Variants in TENM4 observed in about 807,000 individuals in gnomAD.
The protein encoded by TENM4 is teneurin-4.
A neutral mutation model predicts 243.3 loss-of-function variants in TENM4; 82 were observed. That is an observed-to-expected ratio of 0.34 (90% CI 0.28 to 0.40). TENM4 has a LOEUF of 0.40. Among genes scored for constraint, TENM4 ranks in the 10% least tolerant of loss-of-function variants. TENM4 has a pLI of 1.00. For missense variants in TENM4, 3,138 were observed against 3,673.3 expected (o/e 0.85, Z 3.77); for synonymous variants, 1,412 against 1,456.3 (o/e 0.97, Z 0.69).
At chr11:78,825,942 G>C (rs1035580418) in intron 12 of TENM4, among the ~76,000 whole-genome samples, 3 of 152,126 alleles carry the variant, frequency 2.0e-5, no homozygotes, top group African/African-American at 7.2e-5. Context: ...TGTGATGACA[G>C]ACAATGCAGG....
At chr11:79,061,077 C>T (rs1440212110) in intron 6 of TENM4, among the ~76,000 whole-genome samples, 4 of 152,180 alleles carry the variant, frequency 2.6e-5, no homozygotes, top group African/African-American at 9.6e-5. Flanking sequence ...TAGAGCCTGG[C>T]TCCAGCTCAA....
In TENM4 at chr11:79,347,762, C is replaced by CTT. The variant is rs528675032; in HGVS notation, c.-320-50221_-320-50220dup. ...GATGTTTAATTATATCTATCCTCTC[C>CTT]TTTTTTTTTTTTTTTTTTTTTTTTT... On this transcript the variant is annotated intron_variant, in intron 1 of 33. Coordinates refer to ENST00000278550, the MANE Select transcript of TENM4 (RefSeq NM_001098816.3). Among the ~76,000 whole-genome samples the CTT allele has an allele frequency of 1.0e-3, 98 of 94,734 alleles. 3 individuals carry two copies. The highest frequency in any genetic ancestry group is 1.4e-3 in the Non-Finnish European group (71 of 49,040). 62.1% of individuals were successfully genotyped at this position (94,734 alleles called of 152,430 possible).
chr11:79,107,421 C>T (rs938171335), intron 4 of TENM4, among the ~76,000 whole-genome samples: 2 of 152,174 alleles, frequency 1.3e-5, no homozygotes, highest in African/African-American at 4.8e-5. Flanking sequence ...CTCCACCCAC[C>T]TCTGTGGCAC....
intron 6 of TENM4, among the ~76,000 whole-genome samples, chr11:78,978,325 A>C (rs1857711501): frequency 6.6e-6 from 1 of 150,532 alleles, no homozygotes. Context: ...CACGTTCTAC[A>C]CATGTACCCC....
chr11:78,728,098 C>T (rs1428022111), intron 22 of TENM4, among the ~76,000 whole-genome samples: 1 of 152,140 alleles, frequency 6.6e-6, no homozygotes, highest in African/African-American at 2.4e-5. Context: ...CTCATTTTTT[C>T]TCAAGAGGTT....
intron 29 of TENM4, among the ~76,000 whole-genome samples, chr11:78,677,099 C>A (rs757774965): frequency 2.0e-5 from 3 of 152,114 alleles, no homozygotes; most frequent in African/African-American, 2.4e-5. Flanking sequence ...AAAAGCCACA[C>A]AATTGTATGT....
At chr11:79,138,906 T>C (rs1224920911) in intron 4 of TENM4, among the ~76,000 whole-genome samples, 1 of 109,670 alleles carries the variant, frequency 9.1e-6, no homozygotes, top group Non-Finnish European at 1.7e-5. Flanking sequence ...ATTATATTTC[T>C]ATAAATATAT....
At chr11:78,847,573 C>G (rs914355031) in intron 12 of TENM4, among the ~76,000 whole-genome samples, 13 of 152,302 alleles carry the variant, frequency 8.5e-5, no homozygotes, top group African/African-American at 3.1e-4. Flanking sequence ...CCACTTATAC[C>G]AGATTGCTCC....
chr11:79,322,087 C>T (rs1248486069), intron 1 of TENM4, among the ~76,000 whole-genome samples: 1 of 152,234 alleles, frequency 6.6e-6, no homozygotes, highest in African/African-American at 2.4e-5. Flanking sequence ...CCCTGCACCA[C>T]CTCCTGCTAC....
intron 25 of TENM4, among the ~76,000 whole-genome samples, chr11:78,720,065 T>C (rs1859609833): frequency 6.6e-6 from 1 of 152,228 alleles, no homozygotes; most frequent in Non-Finnish European, 1.5e-5. Context: ...CATCCTCATT[T>C]ATTCTAAGGA....
intron 3 of TENM4, among the ~76,000 whole-genome samples, chr11:79,188,293 T>C (rs1042494587): frequency 1.3e-5 from 2 of 152,170 alleles, no homozygotes; most frequent in Admixed American, 6.5e-5. Flanking sequence ...TCTAGAAATC[T>C]GAGGATCTGG....
chr11:79,316,935 A>G (rs779846049), intron 1 of TENM4, among the ~76,000 whole-genome samples: 10 of 152,238 alleles, frequency 6.6e-5, no homozygotes, highest in Non-Finnish European at 1.3e-4. Flanking sequence ...TGTCAAGAGT[A>G]GAAGTGACTC....
rs975717305 is a variant in TENM4, at chr11:79,437,450, G to C, written c.-321+3059C>G. Among the ~76,000 whole-genome samples the C allele has an allele frequency of 2.0e-5, 3 of 152,134 alleles. No individual in the cohort carries two copies. In the East Asian group the frequency reaches 5.9e-4, roughly 30 times the overall value. On this transcript the variant is annotated intron_variant, in intron 1 of 33. Transcript: ENST00000278550. ...GCCGGGACCCTGCACTGTGCCGCGC[G>C]GCGCTTGCGGCTGGAACTTGGCCTG...
intron 2 of TENM4, chr11:79,269,622 C>T (rs1855935498): frequency 6.6e-6 from 1 of 152,318 alleles, no homozygotes; most frequent in East Asian, 1.9e-4. Context: ...CTCCTCAGGG[C>T]TCCTCAGGGC....
chr11:79,335,502 C>T lies in TENM4; in HGVS notation c.-320-37959G>A, dbSNP rs182882564. On this transcript the variant is annotated intron_variant, in intron 1 of 33. Transcript: ENST00000278550. ...AAACCATCCATTGGTACATTTGTAT[C>T]AATTTTTTTGCATCAATTTCCTACT... is the stretch of plus-strand genomic sequence containing the variant. Among the ~76,000 whole-genome samples, 6 of 152,284 alleles carry T rather than the reference C, an allele frequency of 3.9e-5. 1 individual carries two copies. The South Asian group carries it at 8.3e-4, about 21-fold the overall frequency.
In TENM4 at chr11:78,756,930, G is replaced by A; in HGVS notation, c.2631C>T (p.Asp877=). 1 of 1,613,990 alleles carries A rather than the reference G, an allele frequency of 6.2e-7. No homozygotes were observed. The highest frequency in any genetic ancestry group is 8.5e-7 in the Non-Finnish European group (1 of 1,179,900). The change falls in exon 19 of 34, where the codon GAC becomes GAT. Residue 877 remains aspartate, a synonymous_variant. Transcript: ENST00000278550. ...PLCLGSPNPL[D]IIQETQVPVS... is the part of the protein sequence containing the mutation. ...CAGGGACCTGTGTCTCCTGGATGAT[G>A]TCCAGAGGGTTAGGGGAGCCAAGGC... is the stretch of plus-strand genomic sequence containing the variant.
intron 6 of TENM4, among the ~76,000 whole-genome samples, chr11:78,954,407 A>C (rs529583438): frequency 7.9e-5 from 12 of 152,386 alleles, no homozygotes; most frequent in African/African-American, 2.4e-4. Flanking sequence ...AGGTGATTAC[A>C]GTGAGAACAA....
intron 6 of TENM4, among the ~76,000 whole-genome samples, chr11:79,036,755 T>C (rs1267112781): frequency 6.6e-6 from 1 of 152,086 alleles, no homozygotes; most frequent in Non-Finnish European, 1.5e-5. Flanking sequence ...CTCACGCCTG[T>C]AGTCCCAGCA....
At chr11:78,876,927 G>A (rs567103076) in intron 9 of TENM4, among the ~76,000 whole-genome samples, 5 of 152,336 alleles carry the variant, frequency 3.3e-5, no homozygotes, top group South Asian at 4.1e-4. Context: ...GGAAAGCTGC[G>A]TTTACTCCAC....
Sources: allele counts gnomAD v4.1 joint callset (sites outside exome capture counted in the v4.1 genomes callset), GRCh38; gene constraint gnomAD v4.1.1; transcripts MANE v1.5; gene names NCBI Gene and HGNC (gene_info 2026-07-23, HGNC 2026-07-21).